Variants in MYO9B observed in about 807,000 individuals in gnomAD.
MYO9B encodes the protein unconventional myosin-IXb.
A neutral mutation model predicts 229.5 loss-of-function variants in MYO9B; 71 were observed. The observed-to-expected ratio is 0.31, with a 90% confidence interval of 0.26 to 0.38. The LOEUF is 0.38. Ranked by LOEUF, MYO9B falls within the 10% of genes least tolerant of loss-of-function variation. The pLI, the probability that MYO9B is intolerant of heterozygous loss-of-function variation, is 1.00. For synonymous variants in MYO9B, 1,185 were observed against 1,235.8 expected (o/e 0.96, Z 0.86); for missense variants, 2,255 against 2,920.5 (o/e 0.77, Z 5.25).
rs777264671 is a variant in MYO9B, at chr19:17,102,591, G to A, written c.840+34G>A. Reference sequence around the variant, plus strand: ...GGAAGCTGGTCGGTCTGTGGGAGGGGGCATTTGTTTGGAAAATGCGGGTTT... The same window carrying A: ...GGAAGCTGGTCGGTCTGTGGGAGGGAGCATTTGTTTGGAAAATGCGGGTTT... On this transcript the variant is annotated intron_variant, in intron 2 of 39. Transcript: ENST00000682292. The A allele has an allele frequency of 9.9e-6, 15 of 1,511,658 alleles. No individual in the cohort carries two copies. The East Asian group carries it at 2.4e-4, about 25-fold the overall frequency. 93.6% of individuals were successfully genotyped at this position (1,511,658 alleles called of 1,614,324 possible).
intron 35 of MYO9B, 128 bp downstream of exon 35, chr19:17,207,372 C>G: frequency 7.7e-7 from 1 of 1,299,926 alleles, no homozygotes; most frequent in Admixed American, 2.4e-5. Flanking sequence ...CGGTTCACAC[C>G]TGTAATCCTA....
chr19:17,154,200 C>A, intron 5 of MYO9B, 115 bp from the exon 6 acceptor site: 1 of 1,318,296 alleles, frequency 7.6e-7, no homozygotes, highest in Non-Finnish European at 1.1e-6. Flanking sequence ...TTAAAAGAAC[C>A]CATTCATTCC....
At chr19:17,099,019 G>A (rs1271554688) in intron 1 of MYO9B, 1 of 150,298 alleles carries the variant, frequency 6.7e-6, no homozygotes, top group Non-Finnish European at 1.5e-5. Context: ...GCTCACACCT[G>A]TAATCCCAGC....
intron 2 of MYO9B, among the ~76,000 whole-genome samples, chr19:17,137,768 GA>G (rs1479257003): frequency 1.3e-5 from 2 of 151,996 alleles, no homozygotes; most frequent in Non-Finnish European, 2.9e-5. Context: ...ATTTGAAACA[GA>G]GTCTCGCTCT....
At position 17,172,717 on chromosome 19, in the gene MYO9B, G is replaced by A. The variant is rs1467584651; in HGVS notation, c.1936-42G>A. 1.2e-6 allele frequency: 2 copies of A among 1,602,078 alleles called. No homozygotes were observed. The highest frequency in any genetic ancestry group is 4.5e-5 in the East Asian group (2 of 44,630). On this transcript the variant is annotated intron_variant, in intron 12 of 39. Coordinates refer to ENST00000682292, the MANE Select transcript of MYO9B (RefSeq NM_004145.4). The surrounding 1 kb of genome is among the most constrained non-coding windows in gnomAD (Gnocchi z 8.2). Reference sequence around the variant, plus strand: ...CGGGGTCTTTGGTAGGCGCCGGTGAGTGACTATCCCCGAGTGACCGCCCAC... The same window carrying A: ...CGGGGTCTTTGGTAGGCGCCGGTGAATGACTATCCCCGAGTGACCGCCCAC...
intron 2 of MYO9B, among the ~76,000 whole-genome samples, chr19:17,131,244 T>A (rs998909294): frequency 6.6e-6 from 1 of 152,210 alleles, no homozygotes; most frequent in African/African-American, 2.4e-5. Context: ...AATAAAGGCA[T>A]CCTGCCCATG....
chr19:17,078,209 G>T (rs922426484), intron 1 of MYO9B, among the ~76,000 whole-genome samples: 2 of 152,138 alleles, frequency 1.3e-5, no homozygotes, highest in African/African-American at 4.8e-5. Context: ...GGACGGACAC[G>T]CTAATGCCCG....
chr19:17,178,268 G>T (rs1189330316), intron 14 of MYO9B: 1 of 152,154 alleles, frequency 6.6e-6, no homozygotes, highest in Admixed American at 6.6e-5. Context: ...GCTGGGGTCG[G>T]GTCCTTCCAG....
At chr19:17,163,711 A>G (rs745983616) in intron 10 of MYO9B, among the ~76,000 whole-genome samples, 2 of 152,182 alleles carry the variant, frequency 1.3e-5, no homozygotes, top group African/African-American at 2.4e-5. Context: ...AGTGCCTCAT[A>G]TAAGTGAAAT....
At position 17,156,892 on chromosome 19, in the gene MYO9B, T is replaced by G; in HGVS notation, c.1200-17T>G. On this transcript the variant is annotated splice_polypyrimidine_tract_variant and intron_variant, in intron 6 of 39. Transcript: ENST00000682292. The stretch of plus-strand genomic sequence containing the variant: ...AACGTAGAAACTACCCAAATATGAG[T>G]GCCTTTTCTTTCCCAGGATTTTTGC... The G allele has an allele frequency of 6.2e-7, 1 of 1,609,062 alleles. No individual in the cohort carries two copies. Among genetic ancestry groups the G allele is most frequent in the Non-Finnish European group, 8.5e-7 (1 of 1,177,948 alleles).
At chr19:17,093,570 CTG>C (rs1169759199) in intron 1 of MYO9B, among the ~76,000 whole-genome samples, 2 of 152,114 alleles carry the variant, frequency 1.3e-5, no homozygotes, top group Non-Finnish European at 2.9e-5. Flanking sequence ...GTCTGAGGAA[CTG>C]TGCCTGGGCT....
chr19:17,207,962 A>T (rs1158178836), intron 35 of MYO9B: 1 of 150,898 alleles, frequency 6.6e-6, no homozygotes, highest in Non-Finnish European at 1.5e-5. Flanking sequence ...GTGAGCTGAG[A>T]TCATGCCATT....
chr19:17,119,036 G>A (rs2057935685), intron 2 of MYO9B, among the ~76,000 whole-genome samples: 1 of 152,160 alleles, frequency 6.6e-6, no homozygotes, highest in Non-Finnish European at 1.5e-5. Context: ...CCAGCTCCAG[G>A]AGTTCAGAGG....
chr19:17,165,344 G>A (rs1335616285), intron 10 of MYO9B, among the ~76,000 whole-genome samples: 2 of 150,386 alleles, frequency 1.3e-5, no homozygotes, highest in East Asian at 3.9e-4. Context: ...CTGGGTGACA[G>A]ACGAGACCCT....
At chr19:17,146,666 A>G (rs753037678) in intron 3 of MYO9B, among the ~76,000 whole-genome samples, 6 of 152,004 alleles carry the variant, frequency 3.9e-5, no homozygotes, top group Non-Finnish European at 8.8e-5. Context: ...AAATGGGTAG[A>G]TTTTGTGGAT....
chr19:17,104,890 C>T (rs1175575075), intron 2 of MYO9B, among the ~76,000 whole-genome samples: 1 of 152,112 alleles, frequency 6.6e-6, no homozygotes, highest in Non-Finnish European at 1.5e-5. Flanking sequence ...TTGCACCTGA[C>T]TCAACTCTAC....
chr19:17,079,575 C>T (rs917021560), intron 1 of MYO9B, among the ~76,000 whole-genome samples: 6 of 152,166 alleles, frequency 3.9e-5, no homozygotes, highest in Admixed American at 3.3e-4. Context: ...TCCATGGGCC[C>T]TTTCGCCCGC....
At chr19:17,187,839 C>G in intron 18 of MYO9B, 96 bp from the exon 19 acceptor site, 31 of 968,944 alleles carry the variant, frequency 3.2e-5, no homozygotes, top group East Asian at 5.5e-5. Flanking sequence ...TGGGGAAGTG[C>G]CCTCATCTCA....
chr19:17,129,314 A>T (rs941443864), intron 2 of MYO9B, among the ~76,000 whole-genome samples: 1 of 152,136 alleles, frequency 6.6e-6, no homozygotes, highest in African/African-American at 2.4e-5. Flanking sequence ...AGACAGGAGA[A>T]TCACTCGAGC....
Sources: allele counts gnomAD v4.1 joint callset (sites outside exome capture counted in the v4.1 genomes callset), GRCh38; gene constraint gnomAD v4.1.1; non-coding constraint Gnocchi (gnomAD v3.1); transcripts MANE v1.5; gene names NCBI Gene and HGNC (gene_info 2026-07-23, HGNC 2026-07-21).